The following STARD13 variants were observed in gnomAD, a reference collection of about 807,000 sequenced individuals.
STARD13 encodes the protein stAR-related lipid transfer protein 13.
In STARD13, 62 loss-of-function variants were observed where a neutral mutation model predicts 106.4. The ratio of observed to expected loss-of-function variants is 0.58; its 90% CI spans 0.48 to 0.72. The LOEUF (loss-of-function observed/expected upper bound fraction) is 0.72. STARD13 is among the 30% of genes least tolerant of loss of function. The pLI is 0.00. For missense variants in STARD13, 1,387 were observed against 1,424.0 expected, an observed-to-expected ratio of 0.97 and a Z score of 0.42; for synonymous variants, 565 against 553.0, an observed-to-expected ratio of 1.02 and a Z score of -0.31.
At chr13:33,643,000 G>A in the STARD13 span, among the ~76,000 whole-genome samples, 1 of 152,104 alleles carries the variant, frequency 6.6e-6, no homozygotes, top group African/African-American at 2.4e-5. Context: ...CTGCAATGAA[G>A]GCCTGCAAGA....
At chr13:33,656,018 C>G in the STARD13 span, among the ~76,000 whole-genome samples, 1 of 152,230 alleles carries the variant, frequency 6.6e-6, no homozygotes, top group African/African-American at 2.4e-5. Flanking sequence ...TTTGCACCTA[C>G]TCTCCTCCCC....
chr13:33,493,281 T>C, the STARD13 span, among the ~76,000 whole-genome samples: 31 of 152,116 alleles, frequency 2.0e-4, no homozygotes, highest in African/African-American at 7.5e-4. Context: ...GATTCAGGGA[T>C]CTTGTCTGGG....
the STARD13 span, among the ~76,000 whole-genome samples, chr13:33,478,480 T>G: frequency 6.6e-6 from 1 of 152,194 alleles, no homozygotes; most frequent in Non-Finnish European, 1.5e-5. Flanking sequence ...AACATGCACT[T>G]AAAGGTCAGA....
intron 7 of STARD13, among the ~76,000 whole-genome samples, chr13:33,118,898 C>T (rs920621861): frequency 6.6e-6 from 1 of 152,078 alleles, no homozygotes. Context: ...TACTTTTCTA[C>T]CTGTTTGTTT....
Position 33,105,583 on chromosome 13 carries a change from T to G in STARD13, c.*10A>C, listed in dbSNP as rs781259258. 6.3e-7 allele frequency: 1 copy of G among 1,588,194 alleles called. No homozygotes were observed. Among genetic ancestry groups the G allele is most frequent in the Admixed American group, 1.7e-5 (1 of 59,958 alleles). On this transcript the variant is annotated 3_prime_UTR_variant, in exon 14 of 14. Coordinates refer to ENST00000336934, the MANE Select transcript of STARD13 (RefSeq NM_178006.4). The stretch of plus-strand genomic sequence containing the variant: ...CTCTTCCCTGAGTTTGATGTCACAC[T>G]GGGCAAAACTCAGATTTTAGTTTCT...
chr13:33,432,128 T>C, the STARD13 span, among the ~76,000 whole-genome samples: 2 of 151,928 alleles, frequency 1.3e-5, no homozygotes, highest in South Asian at 2.1e-4. Context: ...GGAGGAGAGG[T>C]AGTGCCTAGT....
At chr13:33,276,936 A>G (rs919388523) in intron 1 of STARD13, among the ~76,000 whole-genome samples, 1 of 152,114 alleles carries the variant, frequency 6.6e-6, no homozygotes, top group Non-Finnish European at 1.5e-5. Context: ...CTAGCCAGAC[A>G]CTGTAGATCT....
the STARD13 span, among the ~76,000 whole-genome samples, chr13:33,602,920 G>A: frequency 1.3e-5 from 2 of 152,142 alleles, no homozygotes; most frequent in African/African-American, 4.8e-5. Context: ...TGTCTTCCAC[G>A]AAACTAGGCC....
chr13:33,366,670 C>G, the STARD13 span, among the ~76,000 whole-genome samples: 16 of 152,188 alleles, frequency 1.1e-4, no homozygotes, highest in African/African-American at 3.9e-4. This position sits in a 1 kb window ranked among gnomAD's most constrained non-coding sequence, Gnocchi z 4.2. Flanking sequence ...GCTCTTTAAA[C>G]ACCTGCAGCT....
At chr13:33,304,754 C>T (rs1892844614) in intron 1 of STARD13, among the ~76,000 whole-genome samples, 1 of 152,174 alleles carries the variant, frequency 6.6e-6, no homozygotes, top group Admixed American at 6.5e-5. Flanking sequence ...CCCTAAAACA[C>T]TTTGTTTTAC....
At chr13:33,272,625 G>T (rs1466322409) in intron 1 of STARD13, 1 of 152,162 alleles carries the variant, frequency 6.6e-6, no homozygotes, top group Non-Finnish European at 1.5e-5. Flanking sequence ...TGGCTTGCCT[G>T]GGCCTCTGGG....
chr13:33,449,129 T>C, the STARD13 span, among the ~76,000 whole-genome samples: 2 of 152,170 alleles, frequency 1.3e-5, no homozygotes, highest in Admixed American at 6.5e-5. Flanking sequence ...ATACTTGCAT[T>C]TGTTGCCTAT....
chr13:33,320,683 A>T (rs897582278), intron 1 of STARD13, among the ~76,000 whole-genome samples: 4 of 152,204 alleles, frequency 2.6e-5, no homozygotes, highest in African/African-American at 9.6e-5. Context: ...GAATAAAAAA[A>T]GATTGGCCAG....
chr13:33,635,278 CAT>C, the STARD13 span, among the ~76,000 whole-genome samples: 3 of 152,124 alleles, frequency 2.0e-5, no homozygotes, highest in Admixed American at 6.5e-5. Context: ...CCGTTTCTAA[CAT>C]GTGCTGCTCT....
chr13:33,609,056 A>C, the STARD13 span, among the ~76,000 whole-genome samples: 4 of 143,648 alleles, frequency 2.8e-5, no homozygotes, highest in Non-Finnish European at 6.0e-5. Flanking sequence ...ACTGCACTCC[A>C]GCCTGGGCGA....
the STARD13 span, among the ~76,000 whole-genome samples, chr13:33,496,511 C>T: frequency 3.3e-5 from 5 of 151,726 alleles, no homozygotes; most frequent in African/African-American, 4.8e-5. Flanking sequence ...ACTTATCATC[C>T]CACTTGATTA....
chr13:33,489,695 G>A, the STARD13 span, among the ~76,000 whole-genome samples: 2 of 152,190 alleles, frequency 1.3e-5, no homozygotes, highest in African/African-American at 2.4e-5. Context: ...AATGGAATGT[G>A]CTAATTTTAT....
At chr13:33,425,138 G>C in the STARD13 span, among the ~76,000 whole-genome samples, 1 of 152,178 alleles carries the variant, frequency 6.6e-6, no homozygotes, top group African/African-American at 2.4e-5. Flanking sequence ...TAGTGAAAGG[G>C]AAAACCATTC....
the STARD13 span, among the ~76,000 whole-genome samples, chr13:33,552,728 GAATT>G: frequency 2.6e-5 from 4 of 152,076 alleles, no homozygotes; most frequent in African/African-American, 7.2e-5. Flanking sequence ...AGCTTTGAAA[GAATT>G]AAAAAGAGAT....
Sources: gnomAD v4.1 joint callset for allele counts (sites outside exome capture counted in the v4.1 genomes callset) on GRCh38, gnomAD v4.1.1 for gene constraint, Gnocchi (gnomAD v3.1) non-coding constraint, MANE v1.5 for transcripts, NCBI Gene and HGNC (gene_info 2026-07-23, HGNC 2026-07-21) for gene names.